WFS1: variants seen among roughly 807,000 people sequenced by gnomAD.
WFS1 encodes the protein wolframin.
WFS1 carries 90 observed loss-of-function variants against 68.5 expected under a neutral mutation model. That is an observed-to-expected ratio of 1.31 (90% CI 1.11 to 1.56). WFS1 has a LOEUF of 1.56. Among genes scored for constraint, WFS1 ranks in the 40% most tolerant of loss-of-function variants. The probability of loss-of-function intolerance (pLI) is 0.00; values close to 1 mark genes in which losing one functional copy is unlikely to be tolerated. For synonymous variants in WFS1, 860 were observed against 540.7 expected (o/e 1.59, Z -8.19); for missense variants, 1,767 against 1,232.6 (o/e 1.43, Z -6.49).
In WFS1 at chr4:6,301,966, C is replaced by T. The variant is rs28937890; in HGVS notation, c.2171C>T (p.Pro724Leu). Residue 724 changes from proline to leucine, a missense_variant, in exon 8 of 8, where the codon CCG (proline) becomes CTG (leucine). Physicochemically the swap from Pro to Leu is moderately conservative, Grantham distance 98 (BLOSUM62 -3). Transcript: ENST00000226760. ...NSAESAINML[P>L]FFIGDWMRCL... Reference sequence around the variant, plus strand: ...GCCGAGTCTGCCATCAACATGCTCCCGTTCTTCATCGGCGACTGGATGCGC... The same window carrying T: ...GCCGAGTCTGCCATCAACATGCTCCTGTTCTTCATCGGCGACTGGATGCGC... 2.9e-5 allele frequency: 47 copies of T among 1,612,686 alleles called. No individual in the cohort carries two copies. The highest frequency in any genetic ancestry group is 1.7e-4 in the African/African-American group (13 of 74,936).
intron 7 of WFS1, among the ~76,000 whole-genome samples, chr4:6,298,111 C>T (rs984546519): frequency 3.3e-5 from 5 of 152,238 alleles, no homozygotes; most frequent in Non-Finnish European, 7.3e-5. Context: ...GCTACCGTGG[C>T]GGTCGTGCGT....
intron 7 of WFS1, among the ~76,000 whole-genome samples, chr4:6,299,203 A>C (rs940975481): frequency 3.3e-5 from 5 of 152,222 alleles, no homozygotes; most frequent in Non-Finnish European, 7.3e-5. Flanking sequence ...CAGACCAGGA[A>C]GGCATGAGGG....
At chr4:6,291,672 C>T (rs554544517) in intron 5 of WFS1, among the ~76,000 whole-genome samples, 1 of 152,204 alleles carries the variant, frequency 6.6e-6, no homozygotes, top group Admixed American at 6.5e-5. Context: ...CCACGTCTAC[C>T]AATGGGACGG....
Position 6,302,166 on chromosome 4 carries a change from C to T in WFS1, c.2371C>T (p.Arg791Cys), listed in dbSNP as rs200528166. 62 of 1,612,708 alleles carry T rather than the reference C, an allele frequency of 3.8e-5. No individual in the cohort carries two copies. The highest frequency in any genetic ancestry group is 1.3e-4 in the East Asian group (6 of 44,874). ...ATTCAGCAGCGGCGCTGACGGCTCG[C>T]GCAGCCGCGAGGAGGACGACGTCAC... ...MPFSSGADGS[R>C]SREEDDVTKD... Residue 791 changes from arginine to cysteine, a missense_variant, in exon 8 of 8, where the codon CGC becomes TGC. Transcript: ENST00000226760.
Position 6,291,946 on chromosome 4 carries a change from A to T in WFS1, c.661A>T (p.Lys221Ter). The T allele has an allele frequency of 6.2e-7, 1 of 1,611,374 alleles. No individual in the cohort carries two copies. Residue 221 changes from lysine (K) to a stop codon, truncating the protein, a stop_gained, in exon 6 of 8, where the codon AAG becomes TAG. Transcript: ENST00000226760. LOFTEE classifies it high-confidence loss of function. ...DGGAQPGPVP[K>*]SLQKQRRMLE... ...AGGGGCGCAGCCAGGCCCCGTGCCCAAGTCCCTGCAGAAGCAGAGGCGCAT... is the reference window on the plus strand; with the variant it reads ...AGGGGCGCAGCCAGGCCCCGTGCCCTAGTCCCTGCAGAAGCAGAGGCGCAT...
intron 4 of WFS1, 148 bp downstream of exon 4, chr4:6,289,279 A>C: frequency 5.7e-6 from 6 of 1,059,854 alleles, no homozygotes; most frequent in Non-Finnish European, 8.0e-6. Flanking sequence ...TGGCCTTCTC[A>C]TTTTAGACAC....
In WFS1 at chr4:6,302,652, C is replaced by G. The variant is rs1730999480; in HGVS notation, c.*184C>G. ...ACAAAGGGAAGGCTGCTGTGTAGCTCTGTCCACTCTGAATACCAAGTGTGT... is the reference window on the plus strand; with the variant it reads ...ACAAAGGGAAGGCTGCTGTGTAGCTGTGTCCACTCTGAATACCAAGTGTGT... On this transcript the variant is annotated 3_prime_UTR_variant, in exon 8 of 8. Coordinates refer to ENST00000226760, the MANE Select transcript of WFS1 (RefSeq NM_006005.3). 2.5e-6 allele frequency: 2 copies of G among 802,564 alleles called. No individual in the cohort carries two copies. The highest frequency in any genetic ancestry group is 5.2e-5 in the Admixed American group (2 of 38,490). The allele number at this position is 802,564 out of a possible 1,614,324, so 49.7% of individuals were successfully genotyped here. A position where few individuals can be genotyped will look rare whatever the true frequency, so the allele number is the denominator to read the frequency against.
In WFS1 at chr4:6,301,234, A is replaced by G. The variant is rs767187212; in HGVS notation, c.1439A>G (p.Tyr480Cys). 5 of 1,611,676 alleles carry G rather than the reference A, an allele frequency of 3.1e-6. No homozygotes were observed. The South Asian group carries it at 5.5e-5, about 18-fold the overall frequency. The stretch of plus-strand genomic sequence containing the variant: ...CCCTCCATGCCCTTGAATTGGCCCT[A>G]CCTGAAGGTCCTTGGCCAGACCTTC... ...LLPSMPLNWP[Y>C]LKVLGQTFIT... is the part of the protein sequence containing the mutation. Residue 480 changes from tyrosine to cysteine, a missense_variant, in exon 8 of 8, where the codon TAC (tyrosine) becomes TGC (cysteine). Coordinates refer to ENST00000226760, the MANE Select transcript of WFS1 (RefSeq NM_006005.3).
At chr4:6,281,381 G>C (rs1730164899) in intron 2 of WFS1, among the ~76,000 whole-genome samples, 1 of 152,236 alleles carries the variant, frequency 6.6e-6, no homozygotes, top group African/African-American at 2.4e-5. Context: ...AGGCCAAGCA[G>C]GGCCCTGAGG....
chr4:6,275,203 CCTCT>C lies in WFS1; in HGVS notation c.-5-2241_-5-2238del, dbSNP rs900940735. On this transcript the variant is annotated intron_variant, in intron 1 of 7. Transcript: ENST00000226760. ...GTAGGTCAGCCCTCAGTAAAGGTGC[CCTCT>C]CTCTCTGTCTGAGAAAGTGACACCT... Among the ~76,000 whole-genome samples, 6 of 152,250 alleles carry C rather than the reference CCTCT, an allele frequency of 3.9e-5. No individual in the cohort carries two copies. In the South Asian group the frequency reaches 8.3e-4, roughly 21 times the overall value.
At chr4:6,274,370 A>C (rs1179312781) in intron 1 of WFS1, among the ~76,000 whole-genome samples, 2 of 151,572 alleles carry the variant, frequency 1.3e-5, no homozygotes, top group Non-Finnish European at 2.9e-5. Flanking sequence ...TTTAATGCCC[A>C]ATAGTTTGCT....
intron 7 of WFS1, among the ~76,000 whole-genome samples, chr4:6,299,193 C>T (rs1730751573): frequency 1.3e-5 from 2 of 152,226 alleles, no homozygotes; most frequent in South Asian, 4.1e-4. Flanking sequence ...GAGTTCTGCA[C>T]AGACCAGGAA....
chr4:6,287,753 G>A lies in WFS1; in HGVS notation c.315+578G>A, dbSNP rs544404823. On this transcript the variant is annotated intron_variant, in intron 3 of 7. Transcript: ENST00000226760. The surrounding 1 kb of genome is among the most constrained non-coding windows in gnomAD (Gnocchi z 6.4). The stretch of plus-strand genomic sequence containing the variant: ...TGGTGAGGGGAGAAGCCAGCAGAAC[G>A]CTGAGACGGGAGGTGGCAGGGGGTC... Among the ~76,000 whole-genome samples the A allele has an allele frequency of 2.2e-4, 33 of 152,232 alleles. No homozygotes were observed. In the East Asian group the frequency reaches 6.0e-3, roughly 28 times the overall value.
At chr4:6,286,043 G>C (rs1311371293) in intron 2 of WFS1, among the ~76,000 whole-genome samples, 1 of 152,116 alleles carries the variant, frequency 6.6e-6, no homozygotes, top group African/African-American at 2.4e-5. Flanking sequence ...CACCACCGTA[G>C]AAAACAAGAG....
rs369096851 is a variant in WFS1 at position 6,296,490 on chromosome 4, A to G, written c.861+1301A>G. Among the ~76,000 whole-genome samples the G allele has an allele frequency of 1.6e-3, 239 of 152,366 alleles. 9 individuals carry two copies. In the South Asian group the frequency reaches 0.048, roughly 31 times the overall value. On this transcript the variant is annotated intron_variant, in intron 7 of 7. Coordinates refer to ENST00000226760, the MANE Select transcript of WFS1 (RefSeq NM_006005.3). Reference sequence around the variant, plus strand: ...CCAAGAACTTGAACCAAGGGAGCACATGGTTTTTACTGATGGTCTGCTCAG... The same window carrying G: ...CCAAGAACTTGAACCAAGGGAGCACGTGGTTTTTACTGATGGTCTGCTCAG...
At chr4:6,280,951 C>T (rs1225684994) in intron 2 of WFS1, among the ~76,000 whole-genome samples, 2 of 152,224 alleles carry the variant, frequency 1.3e-5, no homozygotes, top group Non-Finnish European at 2.9e-5. Context: ...GCAGTGCTGC[C>T]ACCGCCTTGA....
At chr4:6,293,200 C>T (rs1730517627) in intron 6 of WFS1, among the ~76,000 whole-genome samples, 1 of 152,160 alleles carries the variant, frequency 6.6e-6, no homozygotes, top group Non-Finnish European at 1.5e-5. Flanking sequence ...AGTCTGGACC[C>T]CAACCTCACT....
chr4:6,276,105 C>T (rs916458092), intron 1 of WFS1, among the ~76,000 whole-genome samples: 5 of 152,190 alleles, frequency 3.3e-5, no homozygotes, highest in African/African-American at 1.2e-4. Flanking sequence ...CTCTGTGCCT[C>T]AGAGGATGGC....
intron 7 of WFS1, among the ~76,000 whole-genome samples, chr4:6,300,097 G>T (rs1037344346): frequency 2.6e-5 from 4 of 152,066 alleles, no homozygotes; most frequent in African/African-American, 7.3e-5. Context: ...GTGGTGCTGG[G>T]CCCTCTGCCT....
Sources: allele counts gnomAD v4.1 joint callset (sites outside exome capture counted in the v4.1 genomes callset), GRCh38; gene constraint gnomAD v4.1.1; non-coding constraint Gnocchi (gnomAD v3.1); transcripts MANE v1.5; gene names NCBI Gene and HGNC (gene_info 2026-07-23, HGNC 2026-07-21).